Variants in EYS observed in about 807,000 individuals in gnomAD.
EYS encodes the protein EGF-like photoreceptor maintenance factor.
A neutral mutation model predicts 282.1 loss-of-function variants in EYS; 250 were observed. That is an observed-to-expected ratio of 0.89 (90% CI 0.80 to 0.98). EYS has a LOEUF of 0.98. Ranked by LOEUF, EYS falls within the 50% of genes least tolerant of loss-of-function variation. The pLI, the probability that EYS is intolerant of heterozygous loss-of-function variation, is 0.00. For missense variants in EYS, 4,016 were observed against 3,709.0 expected (o/e 1.08, Z -2.15); for synonymous variants, 1,355 against 1,282.9 (o/e 1.06, Z -1.20).
intron 37 of EYS, among the ~76,000 whole-genome samples, chr6:63,799,782 C>T (rs1012482309): frequency 6.6e-6 from 1 of 152,174 alleles, no homozygotes; most frequent in African/African-American, 2.4e-5. Flanking sequence ...GATAAAACCA[C>T]AAGTGCTATG....
intron 29 of EYS, among the ~76,000 whole-genome samples, chr6:64,365,374 GGA>G (rs1229993730): frequency 2.0e-5 from 3 of 151,994 alleles, no homozygotes; most frequent in Non-Finnish European, 4.4e-5. Context: ...CTCTTAGAGA[GGA>G]GAGAGGGGAA....
intron 19 of EYS, among the ~76,000 whole-genome samples, chr6:64,823,351 C>A (rs189180919): frequency 1.4e-3 from 212 of 151,830 alleles, no homozygotes; most frequent in African/African-American, 4.6e-3. Context: ...CACCTCTATG[C>A]TCAACTAGAG....
intron 1 of EYS, among the ~76,000 whole-genome samples, chr6:65,705,773 T>C (rs1769855381): frequency 1.3e-5 from 2 of 152,100 alleles, no homozygotes; most frequent in Non-Finnish European, 2.9e-5. Context: ...AATAGTAAAA[T>C]GTTGCAAACA....
At chr6:64,458,805 C>T (rs533183118) in intron 26 of EYS, among the ~76,000 whole-genome samples, 3 of 152,188 alleles carry the variant, frequency 2.0e-5, no homozygotes, top group East Asian at 3.9e-4. Context: ...ATTTTTTATG[C>T]TAAATAACCG....
intron 12 of EYS, among the ~76,000 whole-genome samples, chr6:65,175,153 C>T (rs1003002779): frequency 6.6e-6 from 1 of 151,196 alleles, no homozygotes; most frequent in African/African-American, 2.4e-5. Flanking sequence ...GAAAATGGTT[C>T]TATCACAAAC....
At chr6:64,726,009 T>C (rs183765580) in intron 22 of EYS, among the ~76,000 whole-genome samples, 8 of 152,270 alleles carry the variant, frequency 5.3e-5, no homozygotes, top group Admixed American at 2.6e-4. Context: ...AATGAACACT[T>C]AATGTTACAG....
rs1452044257 is a variant in EYS, at chr6:63,720,874, G to A, written c.9157C>T (p.Gln3053Ter). The change falls in exon 43 of 43, where the codon CAG (glutamine) becomes TAG (stop). Residue 3053 changes from glutamine to a stop codon, truncating the protein, a stop_gained. Coordinates refer to ENST00000503581, the MANE Select transcript of EYS (RefSeq NM_001142800.2). LOFTEE classifies it high-confidence loss of function. ...TTTATGTAGGCCTTGATAAGAGTCT[G>A]ATTTTGAATTACAACTACATGGTGC... ...KWHHVVVIQNQTLIKAYINNS... is the reference protein window; with the variant it reads ...KWHHVVVIQN The A allele has an allele frequency of 1.3e-6, 2 of 1,550,882 alleles. No individual in the cohort carries two copies.
intron 1 of EYS, among the ~76,000 whole-genome samples, chr6:65,691,246 G>T (rs1769231299): frequency 2.7e-5 from 4 of 150,190 alleles, no homozygotes; most frequent in Non-Finnish European, 5.9e-5. Flanking sequence ...AGCACCTGTT[G>T]CTTCCTGACT....
chr6:64,198,742 T>C (rs781395634), intron 31 of EYS, among the ~76,000 whole-genome samples: 2 of 152,204 alleles, frequency 1.3e-5, no homozygotes, highest in Non-Finnish European at 2.9e-5. Context: ...GGTATTTGGA[T>C]TGGTTCCAAG....
Position 65,475,159 on chromosome 6 carries a change from A to G in EYS, c.862+15435T>C, listed in dbSNP as rs150574516. Among the ~76,000 whole-genome samples the G allele has an allele frequency of 5.9e-5, 9 of 152,150 alleles. No homozygotes were observed. In the East Asian group the frequency reaches 1.5e-3, roughly 26 times the overall value. ...CCTAGTTCAACTGTCATATATATAT[A>G]TAGCACTTAATGGTTATTGTATTTA... On this transcript the variant is annotated intron_variant, in intron 5 of 42. Transcript: ENST00000503581.
intron 12 of EYS, among the ~76,000 whole-genome samples, chr6:65,260,498 C>A (rs1767592144): frequency 1.3e-5 from 2 of 152,046 alleles, no homozygotes; most frequent in Admixed American, 6.6e-5. Flanking sequence ...CAAGTACCCA[C>A]CACAATGCCA....
In EYS at chr6:64,044,387, A is replaced by G. The variant is rs576003174; in HGVS notation, c.6725+21951T>C. Reference sequence around the variant, plus strand: ...TTCTGCCCATCAGTATTACCTCAAGATGATTTAAAGCAAAGGCTTTCTGGT... The same window carrying G: ...TTCTGCCCATCAGTATTACCTCAAGGTGATTTAAAGCAAAGGCTTTCTGGT... On this transcript the variant is annotated intron_variant, in intron 33 of 42. Coordinates refer to ENST00000503581, the MANE Select transcript of EYS (RefSeq NM_001142800.2). Among the ~76,000 whole-genome samples, 3 of 152,308 alleles carry G rather than the reference A, an allele frequency of 2.0e-5. No individual in the cohort carries two copies. The South Asian group carries it at 6.2e-4, about 32-fold the overall frequency.
intron 29 of EYS, among the ~76,000 whole-genome samples, chr6:64,326,167 A>AATCCT (rs4034644): frequency 0.72 from 108,240 of 151,190 alleles, 38,920 homozygotes; most frequent in African/African-American, 0.79. Context: ...GAAATTTAAA[A>AATCCT]CTTAAAGTTT....
intron 22 of EYS, among the ~76,000 whole-genome samples, chr6:64,776,218 C>T (rs529113511): frequency 6.6e-6 from 1 of 152,174 alleles, no homozygotes. Context: ...AAATTCATTG[C>T]TTGAGGAGAT....
intron 2 of EYS, among the ~76,000 whole-genome samples, chr6:65,599,700 T>C (rs900208774): frequency 2.6e-5 from 4 of 152,090 alleles, no homozygotes; most frequent in African/African-American, 7.2e-5. Context: ...CCAATGTAGA[T>C]AGATATACAG....
chr6:65,058,357 G>A (rs561247968), intron 12 of EYS, among the ~76,000 whole-genome samples: 2 of 152,124 alleles, frequency 1.3e-5, no homozygotes, highest in South Asian at 4.2e-4. Flanking sequence ...CACCATATTG[G>A]TCAGGCTGTT....
At chr6:65,294,000 G>A (rs1182028572) in intron 12 of EYS, among the ~76,000 whole-genome samples, 2 of 151,694 alleles carry the variant, frequency 1.3e-5, no homozygotes, top group Admixed American at 6.6e-5. Context: ...AATGGAGGGG[G>A]GAAAAGAGAC....
chr6:64,357,071 C>A (rs940425514), intron 29 of EYS, among the ~76,000 whole-genome samples: 18 of 151,582 alleles, frequency 1.2e-4, no homozygotes, highest in African/African-American at 4.1e-4. Context: ...AGTCAATTTG[C>A]ATTTATTCAG....
chr6:64,397,312 A>G (rs1160342411), intron 28 of EYS, among the ~76,000 whole-genome samples: 1 of 152,018 alleles, frequency 6.6e-6, no homozygotes, highest in Non-Finnish European at 1.5e-5. Flanking sequence ...CTCTGGTAAG[A>G]TTTTAGTATC....
Sources: allele counts gnomAD v4.1 joint callset (sites outside exome capture counted in the v4.1 genomes callset), GRCh38; gene constraint gnomAD v4.1.1; transcripts MANE v1.5; gene names NCBI Gene and HGNC (gene_info 2026-07-23, HGNC 2026-07-21).